PCDHA5: variants seen among roughly 807,000 people sequenced by gnomAD.
PCDHA5 encodes protocadherin alpha-5.
In PCDHA5, 43 loss-of-function variants were observed where a neutral mutation model predicts 61.6. The ratio of observed to expected loss-of-function variants is 0.70; its 90% CI spans 0.55 to 0.90. The LOEUF is 0.90. Among genes scored for constraint, PCDHA5 ranks in the 40% least tolerant of loss-of-function variants. The pLI is 0.00. For missense variants in PCDHA5, 1,298 were observed against 1,222.7 expected (o/e 1.06, Z -0.92); for synonymous variants, 627 against 543.9 (o/e 1.15, Z -2.13).
intron 1 of PCDHA5, chr5:140,851,137 A>G (rs2041971194): frequency 2.3e-6 from 3 of 1,313,646 alleles, no homozygotes; most frequent in South Asian, 2.5e-5. Flanking sequence ...TTGTGATTAA[A>G]GTGACATTGA....
chr5:140,856,970 G>T (rs2044296852), intron 1 of PCDHA5: 1 of 1,592,058 alleles, frequency 6.3e-7, no homozygotes, highest in Non-Finnish European at 8.6e-7. Flanking sequence ...TGATGCTATT[G>T]ACTTTGAGGA....
intron 1 of PCDHA5, chr5:140,862,985 G>A: frequency 1.8e-6 from 1 of 547,112 alleles, no homozygotes; most frequent in Non-Finnish European, 3.6e-6. Flanking sequence ...GGTGGCGAAG[G>A]TGCGCACGGT....
intron 1 of PCDHA5, chr5:140,929,202 G>T (rs2085922750): frequency 1.2e-6 from 2 of 1,613,984 alleles, no homozygotes; most frequent in African/African-American, 1.3e-5. Context: ...ACAGTTTGCT[G>T]TTGCGTGGGG....
rs202010088 is a variant in PCDHA5 at position 140,869,201 on chromosome 5, A to G, written c.2352+45074A>G. On this transcript the variant is annotated intron_variant, in intron 1 of 3. Transcript: ENST00000529859. ...GAGGTGGGGAGCGGCCAGCTCCACTACTCCGTCTCGGAGGAGGCCAAACAC... is the reference window on the plus strand; with the variant it reads ...GAGGTGGGGAGCGGCCAGCTCCACTGCTCCGTCTCGGAGGAGGCCAAACAC... 1.3e-3 allele frequency: 2,112 copies of G among 1,612,868 alleles called. 36 individuals carry two copies. The highest frequency in any genetic ancestry group is 1.6e-3 in the Admixed American group (96 of 59,934).
chr5:140,937,835 C>T (rs782666689), intron 1 of PCDHA5, among the ~76,000 whole-genome samples: 3 of 151,520 alleles, frequency 2.0e-5, no homozygotes, highest in Non-Finnish European at 2.9e-5. Context: ...TGGCATGAAC[C>T]TGGAAGGCGG....
At chr5:140,863,247 C>A (rs782167324) in intron 1 of PCDHA5, 18 of 1,379,648 alleles carry the variant, frequency 1.3e-5, no homozygotes, top group Non-Finnish European at 1.6e-5. Context: ...CTTTGGCGGG[C>A]GTCGAGGTCC....
chr5:140,939,349 TA>T (rs1233387801), intron 1 of PCDHA5, among the ~76,000 whole-genome samples: 4 of 152,154 alleles, frequency 2.6e-5, no homozygotes, highest in Admixed American at 6.5e-5. Context: ...CATTTCAACT[TA>T]TGATTGCAAA....
chr5:140,951,183 G>A (rs1554219780), intron 1 of PCDHA5, among the ~76,000 whole-genome samples: 3 of 151,518 alleles, frequency 2.0e-5, no homozygotes, highest in Admixed American at 6.6e-5. Flanking sequence ...GTCATTGTCC[G>A]CTAATTCCCA....
intron 1 of PCDHA5, among the ~76,000 whole-genome samples, chr5:140,837,994 C>A (rs1460349736): frequency 2.0e-5 from 3 of 150,494 alleles, no homozygotes. Context: ...TTCATCTTTC[C>A]TTTTTTTTAA....
chr5:140,884,514 C>A (rs368331245), intron 1 of PCDHA5: 13 of 1,614,176 alleles, frequency 8.1e-6, no homozygotes, highest in East Asian at 2.2e-5. Context: ...GGGAGTTGGT[C>A]GTACTCGCAG....
At chr5:140,841,678 G>A in intron 1 of PCDHA5, 3 of 1,613,980 alleles carry the variant, frequency 1.9e-6, no homozygotes, top group Non-Finnish European at 1.7e-6. Context: ...TTTTCCATGT[G>A]GACGTGGAGG....
intron 1 of PCDHA5, chr5:140,843,893 C>A: frequency 1.5e-6 from 1 of 677,036 alleles, no homozygotes; most frequent in South Asian, 2.1e-5. Context: ...CAGTATTAAT[C>A]ATTCTCCACA....
chr5:140,883,484 T>C, intron 1 of PCDHA5: 1 of 1,614,066 alleles, frequency 6.2e-7, no homozygotes, highest in Non-Finnish European at 8.5e-7. Flanking sequence ...GAACTACTAC[T>C]CATTAGTGCT....
At position 140,832,108 on chromosome 5, in the gene PCDHA5, G is replaced by A. The variant is rs1023824002; in HGVS notation, c.2352+7981G>A. The stretch of plus-strand genomic sequence containing the variant: ...TTAAATGCCATGTTCTACATTAAAA[G>A]CAATTTAAAATGTGTGTTTCAAAGT... On this transcript the variant is annotated intron_variant, in intron 1 of 3. Transcript: ENST00000529859. Among the ~76,000 whole-genome samples the A allele has an allele frequency of 1.6e-4, 24 of 152,270 alleles. No homozygotes were observed. The South Asian group carries it at 2.3e-3, about 14-fold the overall frequency.
At position 141,009,867 on chromosome 5, in the gene PCDHA5, A is replaced by C. The variant is rs374660085; in HGVS notation, c.2741A>C (p.Lys914Thr). 4.3e-6 allele frequency: 7 copies of C among 1,613,976 alleles called. No individual in the cohort carries two copies. The African/African-American group carries it at 9.3e-5, about 22-fold the overall frequency. ...GAGGAGACCAAGAAAAAGAAGAAAA[A>C]GAAGAAGGGTAACAAGACCCAGGAG... Reference protein sequence around the residue: ...KKEETKKKKKKKKGNKTQEKK... With the variant: ...KKEETKKKKKTKKGNKTQEKK... Residue 914 changes from lysine (K) to threonine (T), a missense_variant, in exon 4 of 4, where the codon AAG becomes ACG. Coordinates refer to ENST00000529859, the MANE Select transcript of PCDHA5 (RefSeq NM_018908.3).
intron 1 of PCDHA5, among the ~76,000 whole-genome samples, chr5:140,935,777 T>C (rs1306193430): frequency 6.6e-6 from 1 of 152,190 alleles, no homozygotes; most frequent in African/African-American, 2.4e-5. Flanking sequence ...TTTGAGTTTT[T>C]TCACTTAAAA....
In PCDHA5 at chr5:140,841,930, G is replaced by A. The variant is rs149689120; in HGVS notation, c.2352+17803G>A. 3.7e-6 allele frequency: 6 copies of A among 1,613,908 alleles called. No individual in the cohort carries two copies. In the African/African-American group the frequency reaches 8.0e-5, roughly 22 times the overall value. ...TATTAAGAAAATCCTTGGACAGAGAGGACGCTCCTGCGCACCACTTATTCC... is the reference window on the plus strand; with the variant it reads ...TATTAAGAAAATCCTTGGACAGAGAAGACGCTCCTGCGCACCACTTATTCC... On this transcript the variant is annotated intron_variant, in intron 1 of 3. Coordinates refer to ENST00000529859, the MANE Select transcript of PCDHA5 (RefSeq NM_018908.3).
rs943373745 is a variant in PCDHA5 at position 140,935,260 on chromosome 5, G to A, written c.2353-43689G>A. Among the ~76,000 whole-genome samples the A allele has an allele frequency of 3.3e-5, 5 of 152,168 alleles. No individual in the cohort carries two copies. In the South Asian group the frequency reaches 8.3e-4, roughly 25 times the overall value. On this transcript the variant is annotated intron_variant, in intron 1 of 3. Transcript: ENST00000529859. ...TTTTAAAAGATAAAATACATCACAT[G>A]TTTATACTAATCTAATAAAGTTCAG... is the stretch of plus-strand genomic sequence containing the variant.
intron 1 of PCDHA5, chr5:140,867,114 G>A (rs567577345): frequency 6.6e-6 from 1 of 152,050 alleles, no homozygotes; most frequent in Non-Finnish European, 1.5e-5. Flanking sequence ...TTAACATATT[G>A]TTTTAATTCA....
Sources: gnomAD v4.1 joint callset for allele counts (sites outside exome capture counted in the v4.1 genomes callset) on GRCh38, gnomAD v4.1.1 for gene constraint, MANE v1.5 for transcripts, NCBI Gene and HGNC (gene_info 2026-07-23, HGNC 2026-07-21) for gene names.